The following PRKCQ variants were observed in gnomAD, a reference collection of about 807,000 sequenced individuals.
PRKCQ encodes the protein protein kinase C theta, also known as protein kinase C theta type.
Under a neutral mutation model 91.2 loss-of-function variants are expected in PRKCQ, and 41 were observed. That is an observed-to-expected ratio of 0.45 (90% CI 0.35 to 0.58). The LOEUF (loss-of-function observed/expected upper bound fraction) is 0.58. PRKCQ is among the 20% of genes least tolerant of loss of function. The pLI is 0.00. For synonymous variants in PRKCQ, 307 were observed against 316.9 expected, an observed-to-expected ratio of 0.97 and a Z score of 0.33; for missense variants, 673 against 896.5, an observed-to-expected ratio of 0.75 and a Z score of 3.18.
chr10:6,522,088 C>A (rs143948866), intron 1 of PRKCQ, among the ~76,000 whole-genome samples: 9 of 152,084 alleles, frequency 5.9e-5, no homozygotes, highest in Non-Finnish European at 1.0e-4. Context: ...ATTACAGGTG[C>A]GTGCCACCAC....
At chr10:6,534,716 A>G (rs922196749) in intron 1 of PRKCQ, among the ~76,000 whole-genome samples, 4 of 150,482 alleles carry the variant, frequency 2.7e-5, no homozygotes, top group African/African-American at 9.7e-5. Flanking sequence ...GTGGCTTATT[A>G]CTTATTGAAA....
At chr10:6,520,826 G>A (rs541314279) in intron 1 of PRKCQ, among the ~76,000 whole-genome samples, 1 of 152,098 alleles carries the variant, frequency 6.6e-6, no homozygotes, top group Non-Finnish European at 1.5e-5. Context: ...CCTCTAATGT[G>A]GGGACTTATA....
chr10:6,432,574 G>A (rs1392038489), intron 16 of PRKCQ, among the ~76,000 whole-genome samples: 1 of 152,118 alleles, frequency 6.6e-6, no homozygotes, highest in Non-Finnish European at 1.5e-5. Context: ...CCACTGCACG[G>A]TGGAAATAAC....
At chr10:6,538,883 C>T (rs1839678121) in intron 1 of PRKCQ, among the ~76,000 whole-genome samples, 1 of 152,042 alleles carries the variant, frequency 6.6e-6, no homozygotes, top group Non-Finnish European at 1.5e-5. Flanking sequence ...CCTGCCTCAC[C>T]CTCCGGAGTA....
chr10:6,511,393 A>G (rs111399161), intron 2 of PRKCQ, among the ~76,000 whole-genome samples, 199 bp from the exon 3 acceptor site: 4 of 152,342 alleles, frequency 2.6e-5, no homozygotes, highest in African/African-American at 7.2e-5. Context: ...AAGGTGATGC[A>G]TTGAACCTTA....
intron 15 of PRKCQ, among the ~76,000 whole-genome samples, chr10:6,443,143 G>C (rs1468400613): frequency 6.6e-6 from 1 of 152,128 alleles, no homozygotes; most frequent in Non-Finnish European, 1.5e-5. Flanking sequence ...GGCAAAAAAG[G>C]CTTTGTATGT....
chr10:6,497,009 C>T lies in PRKCQ; in HGVS notation c.660+26G>A, dbSNP rs76794000. The T allele has an allele frequency of 1.3e-3, 1,996 of 1,592,830 alleles. 1 individual carries two copies. Among genetic ancestry groups the T allele is most frequent in the Non-Finnish European group, 1.5e-3 (1,786 of 1,162,594 alleles). ...TAACGTTCTGATAAAAATCACTGCA[C>T]GTCAAAGAGGAGTGTAAATACTCAC... On this transcript the variant is annotated intron_variant, in intron 7 of 17. Coordinates refer to ENST00000263125, the MANE Select transcript of PRKCQ (RefSeq NM_006257.5). This position sits in a 1 kb window ranked among gnomAD's most constrained non-coding sequence, Gnocchi z 4.5.
At chr10:6,500,933 T>C (rs1272894805) in intron 4 of PRKCQ, among the ~76,000 whole-genome samples, 2 of 152,052 alleles carry the variant, frequency 1.3e-5, no homozygotes, top group African/African-American at 4.8e-5. Flanking sequence ...TATGATGGTG[T>C]GGAATAGGCT....
chr10:6,491,909 G>A, intron 7 of PRKCQ, 97 bp from the exon 8 acceptor site: 1 of 1,502,372 alleles, frequency 6.7e-7, no homozygotes, highest in East Asian at 2.3e-5. Flanking sequence ...AGATCATAAT[G>A]AAAACACTGG....
chr10:6,402,370 CCAAAAAA>C, the PRKCQ span, among the ~76,000 whole-genome samples: 1 of 46,394 alleles, frequency 2.2e-5, no homozygotes, highest in Non-Finnish European at 4.5e-5. Flanking sequence ...AATTTCAATG[CCAAAAAA>C]AAAAAAAAAA....
At chr10:6,474,101 T>C (rs1296706424) in intron 12 of PRKCQ, among the ~76,000 whole-genome samples, 1 of 152,228 alleles carries the variant, frequency 6.6e-6, no homozygotes, top group Non-Finnish European at 1.5e-5. Context: ...GTTCTATGAA[T>C]AGAAAGTGAA....
chr10:6,461,210 T>C (rs1248051075), intron 14 of PRKCQ, among the ~76,000 whole-genome samples: 1 of 151,298 alleles, frequency 6.6e-6, no homozygotes, highest in African/African-American at 2.4e-5. Context: ...CATTCAACCA[T>C]CCACACCCAT....
chr10:6,569,218 T>C (rs1165158457), intron 1 of PRKCQ, among the ~76,000 whole-genome samples: 2 of 151,012 alleles, frequency 1.3e-5, no homozygotes, highest in Non-Finnish European at 2.9e-5. Flanking sequence ...TAAGAGAGAG[T>C]GTGGATCCAG....
intron 1 of PRKCQ, among the ~76,000 whole-genome samples, chr10:6,532,728 T>C (rs1839436685): frequency 6.6e-6 from 1 of 152,246 alleles, no homozygotes; most frequent in Admixed American, 6.5e-5. Flanking sequence ...GAGTCCATTA[T>C]AGATTAGTGG....
intron 1 of PRKCQ, among the ~76,000 whole-genome samples, chr10:6,579,837 A>ATT (rs3086770): frequency 0.19 from 26,489 of 136,688 alleles, 3,024 homozygotes; most frequent in East Asian, 0.39. Flanking sequence ...TTCCTCACGC[A>ATT]TTTTTTTTTT....
intron 8 of PRKCQ, among the ~76,000 whole-genome samples, chr10:6,486,407 C>G (rs181998029): frequency 5.9e-5 from 9 of 152,270 alleles, no homozygotes; most frequent in African/African-American, 2.2e-4. Context: ...AGGGCAGAAG[C>G]AGCTTTCCAG....
intron 3 of PRKCQ, among the ~76,000 whole-genome samples, chr10:6,509,679 G>A (rs565276667): frequency 6.6e-4 from 100 of 152,290 alleles, no homozygotes; most frequent in African/African-American, 2.3e-3. Context: ...AAAGTGCTGG[G>A]ATTACAGGCA....
intron 7 of PRKCQ, among the ~76,000 whole-genome samples, chr10:6,494,454 T>C (rs994909788): frequency 3.5e-4 from 34 of 97,534 alleles, no homozygotes; most frequent in African/African-American, 1.4e-3. Flanking sequence ...GTTGTTTTCA[T>C]GTCATCACCT....
At chr10:6,469,555 GA>G (rs1387054179) in intron 12 of PRKCQ, among the ~76,000 whole-genome samples, 1 of 152,208 alleles carries the variant, frequency 6.6e-6, no homozygotes, top group Non-Finnish European at 1.5e-5. Flanking sequence ...TTAGGACATG[GA>G]ATGAACAATT....
Sources: gnomAD v4.1 joint callset for allele counts (sites outside exome capture counted in the v4.1 genomes callset) on GRCh38, gnomAD v4.1.1 for gene constraint, Gnocchi (gnomAD v3.1) non-coding constraint, MANE v1.5 for transcripts, NCBI Gene and HGNC (gene_info 2026-07-23, HGNC 2026-07-21) for gene names.